Variants in CRMP1 observed in about 807,000 individuals in gnomAD.
CRMP1 encodes the protein dihydropyrimidinase-related protein 1.
Under a neutral mutation model 68.3 loss-of-function variants are expected in CRMP1, and 19 were observed. That is an observed-to-expected ratio of 0.28 (90% confidence interval 0.19 to 0.41). CRMP1 has a LOEUF of 0.41. CRMP1 is among the 10% of genes least tolerant of loss of function. CRMP1 has a pLI of 1.00. For synonymous variants in CRMP1, 439 were observed against 399.6 expected, an observed-to-expected ratio of 1.10 and a Z score of -1.18; for missense variants, 791 against 967.4, an observed-to-expected ratio of 0.82 and a Z score of 2.42.
rs542238098 is a variant in CRMP1, at chr4:5,855,553, G to C, written c.820+590C>G. On this transcript the variant is annotated intron_variant, in intron 4 of 13. Transcript: ENST00000324989. The surrounding 1 kb of genome is among the most constrained non-coding windows in gnomAD (Gnocchi z 4.9). ...CAGAGGGGAGCCAAGGTGGGAAGCAGGGACATATAGACGTGGTCCCCTCCC... is the reference window on the plus strand; with the variant it reads ...CAGAGGGGAGCCAAGGTGGGAAGCACGGACATATAGACGTGGTCCCCTCCC... Among the ~76,000 whole-genome samples, 6 of 152,336 alleles carry C rather than the reference G, an allele frequency of 3.9e-5. No homozygotes were observed. The highest frequency in any genetic ancestry group is 1.2e-4 in the African/African-American group (5 of 41,568).
chr4:5,837,045 C>T (rs767820653), intron 9 of CRMP1, 139 bp from the exon 10 acceptor site: 58 of 955,288 alleles, frequency 6.1e-5, no homozygotes, highest in Middle Eastern at 2.4e-4. Flanking sequence ...GACTCTCTAG[C>T]GTGTGCCTGC....
chr4:5,828,606 G>A lies in CRMP1; in HGVS notation c.1686C>T (p.Ser562=), dbSNP rs1560483988. ...CGTCTTCAAAGACGATCTTGCCCTG[G>A]CTGATGACCACTAGTGGGGAGCCGT... ...ECHGSPLVVI[S]QGKIVFEDGN... is the part of the protein sequence containing the mutation. Residue 562 remains serine (S), a synonymous_variant, in exon 12 of 14, where the codon AGC becomes AGT. Coordinates refer to ENST00000324989, the MANE Select transcript of CRMP1 (RefSeq NM_001014809.3). 7 of 1,614,188 alleles carry A rather than the reference G, an allele frequency of 4.3e-6. No homozygotes were observed. Among genetic ancestry groups the A allele is most frequent in the Non-Finnish European group, 5.9e-6 (7 of 1,180,036 alleles).
At chr4:5,868,636 A>G (rs1714219730) in intron 1 of CRMP1, among the ~76,000 whole-genome samples, 1 of 152,106 alleles carries the variant, frequency 6.6e-6, no homozygotes, top group Non-Finnish European at 1.5e-5. Flanking sequence ...TAATCACAAA[A>G]TACTCCATCT....
intron 1 of CRMP1, among the ~76,000 whole-genome samples, chr4:5,869,763 G>A (rs1048670668): frequency 6.6e-6 from 1 of 151,954 alleles, no homozygotes; most frequent in African/African-American, 2.4e-5. Flanking sequence ...TGACATCAGA[G>A]CCTAACTCAA....
rs1290974695 is a variant in CRMP1, at chr4:5,877,221, C to T, written c.382-10465G>A. On this transcript the variant is annotated intron_variant, in intron 1 of 13. Transcript: ENST00000324989. This position sits in a 1 kb window ranked among gnomAD's most constrained non-coding sequence, Gnocchi z 4.3. Reference sequence around the variant, plus strand: ...CTGCTAAGCATCTACCACCCACAAACCTATTGCCATAAATAAATATTGGTT... The same window carrying T: ...CTGCTAAGCATCTACCACCCACAAATCTATTGCCATAAATAAATATTGGTT... 6.6e-6 allele frequency among the ~76,000 whole-genome samples: 1 copy of T among 152,226 alleles called. No homozygotes were observed. The highest frequency in any genetic ancestry group is 6.5e-5 in the Admixed American group (1 of 15,286).
rs1222381514 is a variant in CRMP1 at position 5,855,947 on chromosome 4, C to A, written c.820+196G>T. ...GATCTGCTTCTGAGAACAAGGACAC[C>A]CCCAGAGGTTTTCAAGGAGAAAAGG... On this transcript the variant is annotated intron_variant, in intron 4 of 13. Transcript: ENST00000324989. This position sits in a 1 kb window ranked among gnomAD's most constrained non-coding sequence, Gnocchi z 4.9. Among the ~76,000 whole-genome samples, 1 of 152,144 alleles carries A rather than the reference C, an allele frequency of 6.6e-6. No homozygotes were observed. The highest frequency in any genetic ancestry group is 1.5e-5 in the Non-Finnish European group (1 of 68,020).
Position 5,892,440 on chromosome 4 carries a change from A to T in CRMP1, c.381+149T>A. 1.3e-6 allele frequency: 1 copy of T among 781,278 alleles called. No homozygotes were observed. The highest frequency in any genetic ancestry group is 1.7e-6 in the Non-Finnish European group (1 of 605,136). 48.4% of individuals were successfully genotyped at this position (781,278 alleles called of 1,614,324 possible). ...AGCTCTGGGAACCTCTTGCATGATG[A>T]GGTGGGGGAGGGGCCGCGCCGTGGC... On this transcript the variant is annotated intron_variant, in intron 1 of 13. Transcript: ENST00000324989. The surrounding 1 kb of genome is among the most constrained non-coding windows in gnomAD (Gnocchi z 8.6).
In CRMP1 at chr4:5,864,369, A is replaced by G. The variant is rs150706432; in HGVS notation, c.470+2299T>C. Among the ~76,000 whole-genome samples, 1,181 of 152,220 alleles carry G rather than the reference A, an allele frequency of 7.8e-3. 10 individuals carry two copies. The highest frequency in any genetic ancestry group is 0.012 in the Non-Finnish European group (805 of 68,008). ...GTTCCCTCAGAGTTGCTTTCTCTCT[A>G]TCTAAGCCATGGTTGAGTTAGAAAA... On this transcript the variant is annotated intron_variant, in intron 2 of 13. Coordinates refer to ENST00000324989, the MANE Select transcript of CRMP1 (RefSeq NM_001014809.3).
intron 13 of CRMP1, chr4:5,824,617 G>A (rs1719241609): frequency 1.1e-6 from 1 of 949,270 alleles, no homozygotes; most frequent in Non-Finnish European, 1.3e-6. Context: ...TCCATGACCT[G>A]AGAATAGTTT....
rs1712882011 is a variant in CRMP1, at chr4:5,854,350, G to A, written c.820+1793C>T. 6.8e-6 allele frequency among the ~76,000 whole-genome samples: 1 copy of A among 148,100 alleles called. No individual in the cohort carries two copies. Among genetic ancestry groups the A allele is most frequent in the South Asian group, 2.1e-4 (1 of 4,660 alleles). ...CCTCCCAAACTCAAGCAATGCTCCTGCTCAGCCTCCCAAGTAGCTGGGAGG... is the reference window on the plus strand; with the variant it reads ...CCTCCCAAACTCAAGCAATGCTCCTACTCAGCCTCCCAAGTAGCTGGGAGG... On this transcript the variant is annotated intron_variant, in intron 4 of 13. Transcript: ENST00000324989. This position sits in a 1 kb window ranked among gnomAD's most constrained non-coding sequence, Gnocchi z 4.0.
intron 6 of CRMP1, among the ~76,000 whole-genome samples, chr4:5,844,314 G>T (rs1052463610): frequency 7.3e-6 from 1 of 136,360 alleles, no homozygotes; most frequent in South Asian, 2.7e-4. Context: ...TTGTTTACAT[G>T]TCAGTTACTA....
chr4:5,862,563 C>T (rs10446499), intron 2 of CRMP1, among the ~76,000 whole-genome samples: 64,508 of 152,126 alleles, frequency 0.42, 16,931 homozygotes, highest in East Asian at 0.74. Flanking sequence ...AAGCGCATCA[C>T]GGCTTCTCTC....
intron 1 of CRMP1, among the ~76,000 whole-genome samples, chr4:5,871,659 T>TCCCCGCC (rs1714461303): frequency 1.3e-5 from 2 of 151,418 alleles, no homozygotes; most frequent in Non-Finnish European, 2.9e-5. Flanking sequence ...GATTCCCCGC[T>TCCCCGCC]CCCCGCCCAC....
intron 11 of CRMP1, among the ~76,000 whole-genome samples, chr4:5,833,618 A>G (rs1720530286): frequency 6.6e-6 from 1 of 152,180 alleles, no homozygotes; most frequent in Non-Finnish European, 1.5e-5. Flanking sequence ...GAAGATCGTG[A>G]GGATTAAATG....
intron 1 of CRMP1, among the ~76,000 whole-genome samples, chr4:5,874,767 G>A (rs1714694123): frequency 6.6e-6 from 1 of 152,016 alleles, no homozygotes; most frequent in Admixed American, 6.6e-5. Flanking sequence ...AGGAAAGAAA[G>A]GAGAGAAGAG....
rs567187399 is a variant in CRMP1, at chr4:5,841,971, G to A, written c.1033-543C>T. Among the ~76,000 whole-genome samples the A allele has an allele frequency of 9.2e-5, 14 of 152,294 alleles. No individual in the cohort carries two copies. The highest frequency in any genetic ancestry group is 7.7e-4 in the East Asian group (4 of 5,176). On this transcript the variant is annotated intron_variant, in intron 7 of 13. Transcript: ENST00000324989. This position sits in a 1 kb window ranked among gnomAD's most constrained non-coding sequence, Gnocchi z 6.9. ...CAAGACGGATGGATCACTTGAGGTC[G>A]GAAGTTTCAGACCAGACTGGCCACC... is the stretch of plus-strand genomic sequence containing the variant.
Position 5,861,291 on chromosome 4 carries a change from A to C in CRMP1, c.471-81T>G. 7.0e-7 allele frequency: 1 copy of C among 1,428,194 alleles called. No individual in the cohort carries two copies. Among genetic ancestry groups the C allele is most frequent in the Non-Finnish European group, 9.6e-7 (1 of 1,041,810 alleles). The allele number at this position is 1,428,194 out of a possible 1,614,324, so 88.5% of individuals were successfully genotyped here. A position where few individuals can be genotyped will look rare whatever the true frequency, so the allele number is the denominator to read the frequency against. On this transcript the variant is annotated intron_variant, in intron 2 of 13. Coordinates refer to ENST00000324989, the MANE Select transcript of CRMP1 (RefSeq NM_001014809.3). This position sits in a 1 kb window ranked among gnomAD's most constrained non-coding sequence, Gnocchi z 6.0. ...GTCAACCCGCAGCTTCAGTTCCATG[A>C]AATAAACATTTCTGAGCCAGGCCCT...
At chr4:5,864,908 C>G (rs960203825) in intron 2 of CRMP1, among the ~76,000 whole-genome samples, 1 of 87,958 alleles carries the variant, frequency 1.1e-5, no homozygotes, top group African/African-American at 4.5e-5. Flanking sequence ...AGGGGAGGCC[C>G]GGGCTGGATT....
chr4:5,868,277 A>ATATATATC (rs1560513289), intron 1 of CRMP1, among the ~76,000 whole-genome samples: 2 of 78,602 alleles, frequency 2.5e-5, no homozygotes, highest in African/African-American at 7.3e-5. Flanking sequence ...ATATATATAT[A>ATATATATC]TATATATATA....
Sources: gnomAD v4.1 joint callset for allele counts (sites outside exome capture counted in the v4.1 genomes callset) on GRCh38, gnomAD v4.1.1 for gene constraint, Gnocchi (gnomAD v3.1) non-coding constraint, MANE v1.5 for transcripts, NCBI Gene and HGNC (gene_info 2026-07-23, HGNC 2026-07-21) for gene names.